Variants in SPTBN1 observed in about 807,000 individuals in gnomAD.
SPTBN1 encodes spectrin beta, non-erythrocytic 1.
In SPTBN1, 32 loss-of-function variants were observed where a neutral mutation model predicts 266.4. The ratio of observed to expected loss-of-function variants is 0.12; its 90% CI spans 0.09 to 0.16. The LOEUF is 0.16. Ranked by LOEUF, SPTBN1 falls within the 10% of genes least tolerant of loss-of-function variation. SPTBN1 has a pLI of 1.00. For missense variants in SPTBN1, 2,296 were observed against 3,067.1 expected, an observed-to-expected ratio of 0.75 and a Z score of 5.94; for synonymous variants, 1,336 against 1,162.2, an observed-to-expected ratio of 1.15 and a Z score of -3.04.
intron 1 of SPTBN1, among the ~76,000 whole-genome samples, chr2:54,484,360 GCT>G (rs1491117095): frequency 1.3e-5 from 2 of 152,164 alleles, no homozygotes; most frequent in East Asian, 3.8e-4. Flanking sequence ...GAAGAGGCCT[GCT>G]CTCCTTCCTT....
intron 3 of SPTBN1, among the ~76,000 whole-genome samples, chr2:54,608,920 A>G (rs1677033990): frequency 6.6e-6 from 1 of 152,208 alleles, no homozygotes; most frequent in African/African-American, 2.4e-5. Context: ...GGAAAAGAAA[A>G]TGTTAGAAAA....
At chr2:54,574,615 C>T (rs541390605) in intron 2 of SPTBN1, among the ~76,000 whole-genome samples, 1 of 152,288 alleles carries the variant, frequency 6.6e-6, no homozygotes, top group East Asian at 1.9e-4. Context: ...AGCTGCAGCA[C>T]TTGAGTCACA....
rs1374905278 is a variant in SPTBN1, at chr2:54,646,780, G to A, written c.4866+305G>A. ...AACTTTACAAAATACAGGATGGCTTGGAGACAATTTGAAAGTATTGCAAGG... is the reference window on the plus strand; with the variant it reads ...AACTTTACAAAATACAGGATGGCTTAGAGACAATTTGAAAGTATTGCAAGG... On this transcript the variant is annotated intron_variant, in intron 23 of 35. Coordinates refer to ENST00000356805, the MANE Select transcript of SPTBN1 (RefSeq NM_003128.3). This position sits in a 1 kb window ranked among gnomAD's most constrained non-coding sequence, Gnocchi z 4.4. Among the ~76,000 whole-genome samples, 1 of 152,168 alleles carries A rather than the reference G, an allele frequency of 6.6e-6. No individual in the cohort carries two copies. Among genetic ancestry groups the A allele is most frequent in the Non-Finnish European group, 1.5e-5 (1 of 68,020 alleles).
chr2:54,668,647 A>G lies in SPTBN1; in HGVS notation c.*78A>G. 3 of 1,267,174 alleles carry G rather than the reference A, an allele frequency of 2.4e-6. No individual in the cohort carries two copies. The highest frequency in any genetic ancestry group is 3.2e-6 in the Non-Finnish European group (3 of 932,038). 78.5% of individuals were successfully genotyped at this position (1,267,174 alleles called of 1,614,324 possible). On this transcript the variant is annotated 3_prime_UTR_variant, in exon 36 of 36. Coordinates refer to ENST00000356805, the MANE Select transcript of SPTBN1 (RefSeq NM_003128.3). ...CATGCAAGCTCAGAACCAACACATT[A>G]CTCTCTGTGCCTAATGTTCCTCAAT...
At chr2:54,648,909 C>A (rs891486526) in intron 24 of SPTBN1, 77 bp from the exon 25 acceptor site, 2 of 1,318,356 alleles carry the variant, frequency 1.5e-6, no homozygotes, top group Non-Finnish European at 2.1e-6. Flanking sequence ...CCATTATCTC[C>A]ACCTCATTTG....
At chr2:54,594,160 A>G (rs1675886666) in intron 2 of SPTBN1, among the ~76,000 whole-genome samples, 1 of 152,072 alleles carries the variant, frequency 6.6e-6, no homozygotes, top group African/African-American at 2.4e-5. Flanking sequence ...TGCGTGAGGC[A>G]TTATTGCATA....
At chr2:54,607,144 G>C (rs1245004604) in intron 3 of SPTBN1, among the ~76,000 whole-genome samples, 2 of 152,158 alleles carry the variant, frequency 1.3e-5, no homozygotes, top group Non-Finnish European at 1.5e-5. Context: ...TTTTTCCATT[G>C]CTATTATGGT....
intron 2 of SPTBN1, among the ~76,000 whole-genome samples, chr2:54,539,599 G>C (rs1671817024): frequency 6.6e-6 from 1 of 152,124 alleles, no homozygotes; most frequent in Non-Finnish European, 1.5e-5. Context: ...GAGTGCAGTG[G>C]TGCGATTTTG....
chr2:54,667,371 A>G (rs1188133893), intron 34 of SPTBN1, among the ~76,000 whole-genome samples: 1 of 152,064 alleles, frequency 6.6e-6, no homozygotes, highest in South Asian at 2.1e-4. Context: ...CTTCCATTGG[A>G]TTGAAGCACA....
intron 18 of SPTBN1, among the ~76,000 whole-genome samples, chr2:54,638,836 C>CA (rs1168922129): frequency 2.0e-5 from 3 of 152,212 alleles, no homozygotes; most frequent in Non-Finnish European, 4.4e-5. Context: ...TCAATCATCA[C>CA]AGACACCCTG....
At chr2:54,547,445 TC>T (rs1573386643) in intron 2 of SPTBN1, among the ~76,000 whole-genome samples, 1 of 152,228 alleles carries the variant, frequency 6.6e-6, no homozygotes, top group South Asian at 2.1e-4. Context: ...CTCTTTGAGA[TC>T]CTGCTTTCAG....
At chr2:54,660,420 G>T (rs1680957364) in intron 32 of SPTBN1, 8 of 1,084,324 alleles carry the variant, frequency 7.4e-6, no homozygotes, top group Non-Finnish European at 9.0e-6. Context: ...GACACATTCA[G>T]TTATTCTAAC....
chr2:54,638,783 A>G (rs996322118), intron 18 of SPTBN1, among the ~76,000 whole-genome samples: 1 of 151,768 alleles, frequency 6.6e-6, no homozygotes, highest in Non-Finnish European at 1.5e-5. Context: ...GATGGGGCTA[A>G]GAGTATGGGG....
chr2:54,512,375 A>T (rs1016192619), intron 1 of SPTBN1, among the ~76,000 whole-genome samples: 4 of 152,226 alleles, frequency 2.6e-5, no homozygotes, highest in African/African-American at 9.7e-5. Flanking sequence ...CAAGCATACA[A>T]AGGGGAAAGG....
intron 17 of SPTBN1, among the ~76,000 whole-genome samples, chr2:54,635,582 C>T (rs1314768272): frequency 6.6e-6 from 1 of 152,228 alleles, no homozygotes; most frequent in Non-Finnish European, 1.5e-5. Context: ...ATATTTCTCC[C>T]TTAATGAATC....
Position 54,465,290 on chromosome 2 carries a change from C to T in SPTBN1, c.-48+8772C>T, listed in dbSNP as rs191952401. On this transcript the variant is annotated intron_variant, in intron 1 of 35. Transcript: ENST00000356805. ...GAGGACCAGGGTTCTTTGGTATTTC[C>T]AGTCTCCACACTTGAGTGCAGAGCA... Among the ~76,000 whole-genome samples, 666 of 152,182 alleles carry T rather than the reference C, an allele frequency of 4.4e-3. 6 individuals are homozygous for T. Among genetic ancestry groups the T allele is most frequent in the African/African-American group, 0.013 (544 of 41,516 alleles).
intron 17 of SPTBN1, among the ~76,000 whole-genome samples, chr2:54,637,025 A>C (rs1679194424): frequency 2.0e-5 from 3 of 152,220 alleles, no homozygotes; most frequent in Admixed American, 2.0e-4. Context: ...GCACCTTCAC[A>C]GCAGATGGGG....
At chr2:54,527,592 G>A (rs1456214807) in intron 2 of SPTBN1, 2 of 152,156 alleles carry the variant, frequency 1.3e-5, no homozygotes, top group African/African-American at 2.4e-5. Context: ...GACTTAAATG[G>A]TGTGACCAGG....
rs1362667584 is a variant in SPTBN1, at chr2:54,624,851, G to A, written c.1230G>A (p.Leu410=). Residue 410 remains leucine (L), a synonymous_variant, in exon 11 of 36, where the codon TTG becomes TTA. Coordinates refer to ENST00000356805, the MANE Select transcript of SPTBN1 (RefSeq NM_003128.3). ...EKAEHERELA[L]RNELIRQEKL... The stretch of plus-strand genomic sequence containing the variant: ...CGGAACACGAAAGAGAACTGGCTTT[G>A]CGGAATGAGCTCATAAGACAGGAGA... The A allele has an allele frequency of 1.2e-6, 2 of 1,614,194 alleles. No individual in the cohort carries two copies. The highest frequency in any genetic ancestry group is 1.1e-5 in the South Asian group (1 of 91,090).
Sources: allele counts gnomAD v4.1 joint callset (sites outside exome capture counted in the v4.1 genomes callset), GRCh38; gene constraint gnomAD v4.1.1; non-coding constraint Gnocchi (gnomAD v3.1); transcripts MANE v1.5; gene names NCBI Gene and HGNC (gene_info 2026-07-23, HGNC 2026-07-21).